SLC7A11: variants seen among roughly 807,000 people sequenced by gnomAD.
The protein encoded by SLC7A11 is solute carrier family 7 member 11.
Under a neutral mutation model 54.5 loss-of-function variants are expected in SLC7A11, and 35 were observed. The ratio of observed to expected loss-of-function variants is 0.64; its 90% confidence interval spans 0.49 to 0.85. The LOEUF is 0.85. Ranked by LOEUF, SLC7A11 falls within the 40% of genes least tolerant of loss-of-function variation. The pLI, the probability that SLC7A11 is intolerant of heterozygous loss-of-function variation, is 0.00. For synonymous variants in SLC7A11, 230 were observed against 225.2 expected, an observed-to-expected ratio of 1.02 and a Z score of -0.19; for missense variants, 583 against 618.1, an observed-to-expected ratio of 0.94 and a Z score of 0.60.
chr4:138,201,205 C>T (rs764640561), intron 6 of SLC7A11, among the ~76,000 whole-genome samples: 4 of 152,038 alleles, frequency 2.6e-5, no homozygotes, highest in Non-Finnish European at 5.9e-5. Context: ...TATTTTAATG[C>T]TATGCCATGA....
At chr4:138,241,460 A>G (rs1294082196) in intron 1 of SLC7A11, among the ~76,000 whole-genome samples, 1 of 152,180 alleles carries the variant, frequency 6.6e-6, no homozygotes, top group Admixed American at 6.5e-5. Context: ...GCCCAAGCTA[A>G]GTGTACAACT....
At chr4:138,174,596 T>C (rs1736522140) in intron 11 of SLC7A11, 1 of 152,210 alleles carries the variant, frequency 6.6e-6, no homozygotes, top group Non-Finnish European at 1.5e-5. Flanking sequence ...CAGACAGCAG[T>C]GCTCAAGAGA....
chr4:138,184,111 G>A (rs1321388151), intron 7 of SLC7A11, among the ~76,000 whole-genome samples: 1 of 152,098 alleles, frequency 6.6e-6, no homozygotes, highest in Non-Finnish European at 1.5e-5. Flanking sequence ...CAATTAATGG[G>A]CCACATTATG....
chr4:138,226,037 T>TA (rs958907518), intron 3 of SLC7A11, among the ~76,000 whole-genome samples: 119 of 152,238 alleles, frequency 7.8e-4, no homozygotes, highest in Middle Eastern at 3.4e-3. Context: ...ATTGAAATAT[T>TA]AAAAAAACTG....
At chr4:138,207,012 A>C (rs1006933904) in intron 6 of SLC7A11, among the ~76,000 whole-genome samples, 9 of 145,540 alleles carry the variant, frequency 6.2e-5, no homozygotes, top group East Asian at 2.1e-4. Flanking sequence ...AAAAAAAAAA[A>C]CCCCCAGAGG....
chr4:138,190,458 T>G (rs547645863), intron 6 of SLC7A11, among the ~76,000 whole-genome samples: 3 of 152,272 alleles, frequency 2.0e-5, no homozygotes, highest in East Asian at 1.9e-4. Flanking sequence ...GTTTCACATT[T>G]TCTTTACAGT....
At chr4:138,223,871 G>A (rs1012194613) in intron 3 of SLC7A11, among the ~76,000 whole-genome samples, 15 of 152,084 alleles carry the variant, frequency 9.9e-5, no homozygotes, top group Admixed American at 4.6e-4. Flanking sequence ...GTCAAGGGGC[G>A]ACTTTCAACC....
rs753955434 is a variant in SLC7A11, at chr4:138,180,762, G to A, written c.1145C>T (p.Ser382Phe). 1 of 1,612,798 alleles carries A rather than the reference G, an allele frequency of 6.2e-7. No homozygotes were observed. Among genetic ancestry groups the A allele is most frequent in the South Asian group, 1.1e-5 (1 of 91,002 alleles). ...ATTCAAAAGACTGTCGAGGTCTCCA[G>A]AGAAGAGCATTATCATTGTCAAAGG... is the stretch of plus-strand genomic sequence containing the variant. ...LHPLTMIMLF[S>F]GDLDSLLNFL... is the part of the protein sequence containing the mutation. Residue 382 changes from serine (S) to phenylalanine (F), a missense_variant, in exon 10 of 12, where the codon TCT (serine) becomes TTT (phenylalanine). Ser to Phe is a radical substitution (Grantham distance 155). Transcript: ENST00000280612.
At chr4:138,179,109 CA>C in intron 11 of SLC7A11, 107 bp downstream of exon 11, 1 of 732,296 alleles carries the variant, frequency 1.4e-6, no homozygotes, top group Non-Finnish European at 2.2e-6. Context: ...GTTCTCAAAT[CA>C]ATTGTGCCAC....
intron 6 of SLC7A11, among the ~76,000 whole-genome samples, chr4:138,203,493 C>T (rs1040151027): frequency 6.6e-6 from 1 of 152,084 alleles, no homozygotes; most frequent in Non-Finnish European, 1.5e-5. Flanking sequence ...TACGTAAACA[C>T]TATGCTGATG....
At chr4:138,188,960 A>G (rs957627809) in intron 6 of SLC7A11, among the ~76,000 whole-genome samples, 1 of 152,186 alleles carries the variant, frequency 6.6e-6, no homozygotes, top group African/African-American at 2.4e-5. Flanking sequence ...GCTCTTTTCA[A>G]TTAACAGGCA....
Position 138,229,411 on chromosome 4 carries a change from C to T in SLC7A11, c.520+2856G>A, listed in dbSNP as rs557105870. On this transcript the variant is annotated intron_variant, in intron 3 of 11. Coordinates refer to ENST00000280612, the MANE Select transcript of SLC7A11 (RefSeq NM_014331.4). ...ACCTACCACTGAGTCATAAGGATAT[C>T]CAGTTTGCTTTTTAACTGTTGCTGA... Among the ~76,000 whole-genome samples, 282 of 152,310 alleles carry T rather than the reference C, an allele frequency of 1.9e-3. 3 individuals carry two copies. The highest frequency in any genetic ancestry group is 3.4e-3 in the Non-Finnish European group (228 of 68,020).
At chr4:138,237,718 TATATATATATATATA>T (rs1738252242) in intron 1 of SLC7A11, among the ~76,000 whole-genome samples, 1 of 8,140 alleles carries the variant, frequency 1.2e-4, no homozygotes, top group Non-Finnish European at 2.5e-4. Flanking sequence ...TATATATATA[TATATATATATATATA>T]TATATTTTTT....
rs188082297 is a variant in SLC7A11, at chr4:138,205,095, G to A, written c.791+9490C>T. Among the ~76,000 whole-genome samples the A allele has an allele frequency of 1.2e-3, 185 of 152,034 alleles. 1 individual carries two copies. The highest frequency in any genetic ancestry group is 4.2e-3 in the African/African-American group (176 of 41,480). On this transcript the variant is annotated intron_variant, in intron 6 of 11. Coordinates refer to ENST00000280612, the MANE Select transcript of SLC7A11 (RefSeq NM_014331.4). ...ACATATTTTATCCTCACAACCCCATGAGAACTATAATATAGGGATTATCAT... is the reference window on the plus strand; with the variant it reads ...ACATATTTTATCCTCACAACCCCATAAGAACTATAATATAGGGATTATCAT...
At chr4:138,221,595 A>C (rs899769727) in intron 4 of SLC7A11, among the ~76,000 whole-genome samples, 1 of 152,206 alleles carries the variant, frequency 6.6e-6, no homozygotes, top group Admixed American at 6.5e-5. Flanking sequence ...TGTCACATTA[A>C]GCATTGATAT....
intron 6 of SLC7A11, among the ~76,000 whole-genome samples, chr4:138,211,260 G>A (rs907347799): frequency 3.3e-5 from 5 of 151,736 alleles, no homozygotes; most frequent in African/African-American, 1.2e-4. Context: ...GCAAGAGTGG[G>A]GCAAAAGCTG....
intron 7 of SLC7A11, among the ~76,000 whole-genome samples, chr4:138,184,860 G>T (rs1340533118): frequency 6.6e-6 from 1 of 152,070 alleles, no homozygotes; most frequent in Non-Finnish European, 1.5e-5. Flanking sequence ...GGGAGAATAA[G>T]CTTTGGCAGA....
chr4:138,235,732 C>T (rs961569209), intron 2 of SLC7A11, among the ~76,000 whole-genome samples: 5 of 152,102 alleles, frequency 3.3e-5, no homozygotes, highest in African/African-American at 7.2e-5. Context: ...TAAACCAAGA[C>T]AAGCAGGAAT....
chr4:138,180,767 G>C lies in SLC7A11; in HGVS notation c.1140C>G (p.Leu380=). 6.2e-7 allele frequency: 1 copy of C among 1,612,638 alleles called. No individual in the cohort carries two copies. Among genetic ancestry groups the C allele is most frequent in the Middle Eastern group, 1.7e-4 (1 of 6,050 alleles). Residue 380 remains leucine (L), a synonymous_variant, in exon 10 of 12, where the codon CTC becomes CTG. Coordinates refer to ENST00000280612, the MANE Select transcript of SLC7A11 (RefSeq NM_014331.4). ...IVLHPLTMIM[L]FSGDLDSLLN... is the part of the protein sequence containing the mutation. ...AAAGACTGTCGAGGTCTCCAGAGAA[G>C]AGCATTATCATTGTCAAAGGGTGCT...
Sources: gnomAD v4.1 joint callset for allele counts (sites outside exome capture counted in the v4.1 genomes callset) on GRCh38, gnomAD v4.1.1 for gene constraint, MANE v1.5 for transcripts, NCBI Gene and HGNC (gene_info 2026-07-23, HGNC 2026-07-21) for gene names.